XKR6: variants seen among roughly 807,000 people sequenced by gnomAD.
XKR6 encodes XK related 6.
In XKR6, 22 loss-of-function variants were observed where a neutral mutation model predicts 56.7. That is an observed-to-expected ratio of 0.39 (90% CI 0.28 to 0.55). XKR6 has a LOEUF of 0.55. XKR6 is among the 20% of genes least tolerant of loss of function. The pLI, the probability that XKR6 is intolerant of heterozygous loss-of-function variation, is 0.66. For missense variants in XKR6, 852 were observed against 889.0 expected, an observed-to-expected ratio of 0.96 and a Z score of 0.53; for synonymous variants, 524 against 387.8, an observed-to-expected ratio of 1.35 and a Z score of -4.13.
intron 1 of XKR6, among the ~76,000 whole-genome samples, chr8:11,147,853 C>A (rs1801069588): frequency 6.6e-6 from 1 of 152,068 alleles, no homozygotes; most frequent in African/African-American, 2.4e-5. Flanking sequence ...CATAGGAAGG[C>A]CTAATTCCCA....
intron 1 of XKR6, among the ~76,000 whole-genome samples, chr8:11,058,469 A>G (rs2129162631): frequency 6.6e-6 from 1 of 152,372 alleles, no homozygotes; most frequent in East Asian, 1.9e-4. Flanking sequence ...TGGATAAAGA[A>G]AATGTGGCAC....
At chr8:11,038,509 G>C (rs923030516) in intron 1 of XKR6, among the ~76,000 whole-genome samples, 1 of 127,522 alleles carries the variant, frequency 7.8e-6, no homozygotes, top group Non-Finnish European at 1.6e-5. Context: ...GTGTGTGTGT[G>C]TGTGTGTGTG....
intron 1 of XKR6, among the ~76,000 whole-genome samples, chr8:11,178,143 T>G (rs1357585183): frequency 2.0e-5 from 3 of 152,116 alleles, no homozygotes; most frequent in African/African-American, 7.2e-5. Flanking sequence ...GAGAAACAGC[T>G]TATCTTAATG....
chr8:11,077,927 A>G (rs1233494792), intron 1 of XKR6, among the ~76,000 whole-genome samples: 2 of 151,880 alleles, frequency 1.3e-5, no homozygotes, highest in Non-Finnish European at 2.9e-5. Flanking sequence ...CCCGGTGTCT[A>G]CCTGCACTGG....
intron 1 of XKR6, among the ~76,000 whole-genome samples, chr8:11,133,427 C>T (rs934735765): frequency 3.3e-5 from 5 of 152,112 alleles, no homozygotes; most frequent in African/African-American, 1.2e-4. Context: ...CCCTTAAGAT[C>T]TGCCTCCTGG....
At chr8:11,191,750 T>C (rs1223884181) in intron 1 of XKR6, among the ~76,000 whole-genome samples, 1 of 146,626 alleles carries the variant, frequency 6.8e-6, no homozygotes, top group Non-Finnish European at 1.5e-5. Context: ...AACAGCAATA[T>C]AATTCATAAA....
intron 1 of XKR6, among the ~76,000 whole-genome samples, chr8:11,133,034 A>G (rs1021875323): frequency 4.6e-5 from 7 of 152,156 alleles, no homozygotes; most frequent in African/African-American, 1.7e-4. Flanking sequence ...AATTCATTTG[A>G]CATCTAATGT....
At chr8:11,130,263 A>C (rs560136256) in intron 1 of XKR6, among the ~76,000 whole-genome samples, 6 of 152,006 alleles carry the variant, frequency 3.9e-5, no homozygotes, top group African/African-American at 1.5e-4. Context: ...AAAATGATAG[A>C]TTTTTCAGCA....
chr8:11,068,018 C>T (rs1800024918), intron 1 of XKR6, among the ~76,000 whole-genome samples: 1 of 152,352 alleles, frequency 6.6e-6, no homozygotes, highest in East Asian at 1.9e-4. Context: ...TCTGAGCTCC[C>T]TGGGGTTCAG....
At chr8:10,921,998 A>G (rs978883109) in intron 2 of XKR6, among the ~76,000 whole-genome samples, 2 of 152,222 alleles carry the variant, frequency 1.3e-5, no homozygotes, top group Non-Finnish European at 2.9e-5. Flanking sequence ...GAGGCTTCAT[A>G]CAGCATGCAG....
At chr8:10,984,519 G>A (rs1266292578) in intron 1 of XKR6, among the ~76,000 whole-genome samples, 8 of 151,806 alleles carry the variant, frequency 5.3e-5, no homozygotes, top group African/African-American at 1.5e-4. Flanking sequence ...TAAGAAAGAA[G>A]AGGTAAAATT....
At chr8:10,904,599 G>GGT in intron 2 of XKR6, among the ~76,000 whole-genome samples, 1 of 152,274 alleles carries the variant, frequency 6.6e-6, no homozygotes, top group South Asian at 2.1e-4. Flanking sequence ...AGGAGAGCAA[G>GGT]GAGGTGCCAC....
intron 1 of XKR6, among the ~76,000 whole-genome samples, chr8:11,182,716 T>C (rs914899304): frequency 2.6e-5 from 4 of 152,242 alleles, no homozygotes; most frequent in African/African-American, 4.8e-5. Flanking sequence ...ATTGTTTTAA[T>C]TGTGGCAAAG....
At chr8:11,074,920 A>G (rs879650034) in intron 1 of XKR6, among the ~76,000 whole-genome samples, 4 of 152,216 alleles carry the variant, frequency 2.6e-5, no homozygotes, top group Non-Finnish European at 5.9e-5. Flanking sequence ...AGCCCTGGGA[A>G]AAGCTGCTCT....
At chr8:11,078,585 G>A (rs1439212721) in intron 1 of XKR6, among the ~76,000 whole-genome samples, 2 of 152,200 alleles carry the variant, frequency 1.3e-5, no homozygotes, top group Admixed American at 6.5e-5. Flanking sequence ...TGGGGTGTGA[G>A]AGTGGCAGCC....
Position 11,025,348 on chromosome 8 carries a change from C to T in XKR6, c.765-100518G>A, listed in dbSNP as rs959735817. 2.0e-5 allele frequency among the ~76,000 whole-genome samples: 3 copies of T among 152,164 alleles called. 1 individual carries two copies. Among genetic ancestry groups the T allele is most frequent in the Admixed American group, 2.0e-4 (3 of 15,272 alleles). Reference sequence around the variant, plus strand: ...TTTAGAGCCTTTTCTTTATAATATGCTTCCTTTCTAAGAGGAGCCGATGCC... The same window carrying T: ...TTTAGAGCCTTTTCTTTATAATATGTTTCCTTTCTAAGAGGAGCCGATGCC... On this transcript the variant is annotated intron_variant, in intron 1 of 2. Transcript: ENST00000416569.
intron 2 of XKR6, among the ~76,000 whole-genome samples, chr8:10,901,055 C>CTTTTTT (rs35359233): frequency 8.2e-6 from 1 of 122,260 alleles, no homozygotes; most frequent in Non-Finnish European, 1.7e-5. Flanking sequence ...GTTTCTACTT[C>CTTTTTT]TTTTTTTTTT....
Position 10,980,723 on chromosome 8 carries a change from G to C in XKR6, c.765-55893C>G, listed in dbSNP as rs569972106. Among the ~76,000 whole-genome samples the C allele has an allele frequency of 2.2e-3, 338 of 152,066 alleles. 1 individual carries two copies. Among genetic ancestry groups the C allele is most frequent in the African/African-American group, 7.8e-3 (322 of 41,474 alleles). On this transcript the variant is annotated intron_variant, in intron 1 of 2. Coordinates refer to ENST00000416569, the MANE Select transcript of XKR6 (RefSeq NM_173683.4). ...ACCCAAGTTGTATGGATTATGACTC[G>C]GGATTGTGATACCTATCTATCGTCT...
At chr8:11,021,238 A>G (rs1798743129) in intron 1 of XKR6, among the ~76,000 whole-genome samples, 1 of 152,198 alleles carries the variant, frequency 6.6e-6, no homozygotes, top group Admixed American at 6.5e-5. Flanking sequence ...AGGGAGAGGA[A>G]GAGTTATACA....
Sources: allele counts gnomAD v4.1 joint callset (sites outside exome capture counted in the v4.1 genomes callset), GRCh38; gene constraint gnomAD v4.1.1; transcripts MANE v1.5; gene names NCBI Gene and HGNC (gene_info 2026-07-23, HGNC 2026-07-21).